TRABD2A: variants seen among roughly 807,000 people sequenced by gnomAD.
TRABD2A encodes TraB domain containing 2A, also known as metalloprotease TIKI1.
In TRABD2A, 43 loss-of-function variants were observed where a neutral mutation model predicts 45.6. That is an observed-to-expected ratio of 0.94 (90% CI 0.74 to 1.22). The LOEUF is 1.22. Ranked by LOEUF, TRABD2A falls within the 50% of genes most tolerant of loss-of-function variation. TRABD2A has a pLI of 0.00. For missense variants in TRABD2A, 642 were observed against 652.4 expected (o/e 0.98, Z 0.17); for synonymous variants, 269 against 265.0 (o/e 1.02, Z -0.15).
At chr2:84,836,491 T>G (rs568166085) in intron 4 of TRABD2A, 1 of 152,350 alleles carries the variant, frequency 6.6e-6, no homozygotes, top group East Asian at 1.9e-4. Context: ...TTTTGACAGT[T>G]TGGCTATGAC....
At position 84,839,266 on chromosome 2, in the gene TRABD2A, TCTC is replaced by T. The variant is rs1559087412; in HGVS notation, c.871_873del (p.Glu291del). The T allele has an allele frequency of 6.2e-7, 1 of 1,613,750 alleles. No individual in the cohort carries two copies. Among genetic ancestry groups the T allele is most frequent in the East Asian group, 2.2e-5 (1 of 44,870 alleles). On this transcript the variant is annotated inframe_deletion, in exon 4 of 7. Coordinates refer to ENST00000409520, the MANE Select transcript of TRABD2A (RefSeq NM_001277053.2). Reference sequence around the variant, plus strand: ...AGCTCCCGGCGTAAGTAGCTGTCAATCTCCTGAGCAGTGATGCGCTCCTGAGGT... The same window carrying T: ...AGCTCCCGGCGTAAGTAGCTGTCAATCTGAGCAGTGATGCGCTCCTGAGGT...
Position 84,881,041 on chromosome 2 carries a change from C to T in TRABD2A, c.-2G>A, listed in dbSNP as rs899558760. 4.4e-6 allele frequency: 7 copies of T among 1,597,362 alleles called. No homozygotes were observed. Among genetic ancestry groups the T allele is most frequent in the Non-Finnish European group, 5.1e-6 (6 of 1,173,082 alleles). ...CAGGAACCAGCTCCAGGGACTCATC[C>T]TCCTCAAGGCGGCTCCGAGGCCCGG... On this transcript the variant is annotated 5_prime_UTR_variant, in exon 1 of 7. Coordinates refer to ENST00000409520, the MANE Select transcript of TRABD2A (RefSeq NM_001277053.2).
At chr2:84,844,061 C>CCTCTTCTGT (rs1681802643) in intron 2 of TRABD2A, 1 of 152,232 alleles carries the variant, frequency 6.6e-6, no homozygotes, top group Admixed American at 6.5e-5. Context: ...TGCACAATAG[C>CCTCTTCTGT]CTCTTCTGTC....
intron 5 of TRABD2A, among the ~76,000 whole-genome samples, chr2:84,831,232 G>A (rs904723506): frequency 2.6e-5 from 4 of 152,114 alleles, no homozygotes; most frequent in Non-Finnish European, 4.4e-5. Context: ...AAGAGAAGGC[G>A]GCCATCTACA....
At chr2:84,855,786 G>T (rs1478445854) in intron 2 of TRABD2A, among the ~76,000 whole-genome samples, 4 of 152,164 alleles carry the variant, frequency 2.6e-5, no homozygotes, top group African/African-American at 9.7e-5. Context: ...TTCAGCTGTG[G>T]GGAGACCCAA....
In TRABD2A at chr2:84,824,170, G is replaced by C; in HGVS notation, c.1117C>G (p.Leu373Val). Residue 373 changes from leucine to valine, a missense_variant, in exon 6 of 7, where the codon CTG becomes GTG. By Grantham distance (32) the Leu-to-Val change is conservative (BLOSUM62 1). Coordinates refer to ENST00000409520, the MANE Select transcript of TRABD2A (RefSeq NM_001277053.2). Reference protein sequence around the residue: ...KSKKTSTRPTLSTIFAPKVPT... With the variant: ...KSKKTSTRPTVSTIFAPKVPT... Reference sequence around the variant, plus strand: ...ACTTTTGGAGCAAAGATGGTGGACAGAGTGGGCCGTGTGGAGGTCTTTTTA... The same window carrying C: ...ACTTTTGGAGCAAAGATGGTGGACACAGTGGGCCGTGTGGAGGTCTTTTTA... 6.2e-7 allele frequency: 1 copy of C among 1,614,022 alleles called. No individual in the cohort carries two copies. The highest frequency in any genetic ancestry group is 1.6e-4 in the Middle Eastern group (1 of 6,062).
chr2:84,836,986 GTTTTTTTTTTT>G (rs57910749), intron 4 of TRABD2A: 1 of 85,994 alleles, frequency 1.2e-5, no homozygotes, highest in Non-Finnish European at 2.1e-5. Context: ...TAATTTTAGG[GTTTTTTTTTTT>G]TTTTTTTTTT....
intron 1 of TRABD2A, 136 bp downstream of exon 1, chr2:84,880,796 C>T: frequency 2.3e-6 from 3 of 1,312,558 alleles, no homozygotes; most frequent in Admixed American, 2.4e-5. Flanking sequence ...GAGCAAGGAG[C>T]GCCGCGGTGC....
intron 2 of TRABD2A, among the ~76,000 whole-genome samples, chr2:84,864,068 A>C (rs1484735763): frequency 6.6e-6 from 1 of 151,990 alleles, no homozygotes; most frequent in Non-Finnish European, 1.5e-5. Flanking sequence ...GGAAGCCAGA[A>C]TCCCTCAGCC....
chr2:84,832,822 G>GT (rs1249167110), intron 4 of TRABD2A: 4 of 151,876 alleles, frequency 2.6e-5, no homozygotes, highest in African/African-American at 9.7e-5. Flanking sequence ...AAGGAGGGGG[G>GT]GGAATTCCCA....
chr2:84,824,310 G>A, intron 5 of TRABD2A, 106 bp from the exon 6 acceptor site: 1 of 1,472,108 alleles, frequency 6.8e-7, no homozygotes, highest in Admixed American at 2.7e-5. Context: ...CAGATAACCT[G>A]AAAGTTCAAG....
At chr2:84,845,666 G>A (rs1681872449) in intron 2 of TRABD2A, among the ~76,000 whole-genome samples, 1 of 152,164 alleles carries the variant, frequency 6.6e-6, no homozygotes, top group African/African-American at 2.4e-5. Flanking sequence ...AAGAATGGAA[G>A]GGCATAAGGG....
chr2:84,827,838 C>G (rs1040330678), intron 5 of TRABD2A, among the ~76,000 whole-genome samples: 1 of 152,104 alleles, frequency 6.6e-6, no homozygotes, highest in African/African-American at 2.4e-5. Flanking sequence ...ATGGAAGGCT[C>G]CACAAGTCAA....
intron 5 of TRABD2A, among the ~76,000 whole-genome samples, chr2:84,829,582 C>T (rs1459071694): frequency 6.9e-6 from 1 of 144,492 alleles, no homozygotes; most frequent in Non-Finnish European, 1.5e-5. Context: ...ACGTACCACA[C>T]TGTACACACA....
At chr2:84,846,238 G>A (rs956528794) in intron 2 of TRABD2A, among the ~76,000 whole-genome samples, 1 of 152,280 alleles carries the variant, frequency 6.6e-6, no homozygotes, top group African/African-American at 2.4e-5. Flanking sequence ...AAAAACCACA[G>A]AAATGTACTT....
At chr2:84,846,252 A>T (rs965690200) in intron 2 of TRABD2A, among the ~76,000 whole-genome samples, 2 of 152,200 alleles carry the variant, frequency 1.3e-5, no homozygotes, top group African/African-American at 4.8e-5. Context: ...TGTACTTTTT[A>T]AATCTCTAGC....
chr2:84,839,258 G>C lies in TRABD2A; in HGVS notation c.882C>G (p.Ser294Arg). The C allele has an allele frequency of 6.2e-7, 1 of 1,613,882 alleles. No homozygotes were observed. The highest frequency in any genetic ancestry group is 1.3e-5 in the African/African-American group (1 of 74,992). Residue 294 changes from serine (S) to arginine (R), a missense_variant, in exon 4 of 7, where the codon AGC becomes AGG. Transcript: ENST00000409520. ...QERITAQEID[S>R]YLRRELIYKR... is the part of the protein sequence containing the mutation. The stretch of plus-strand genomic sequence containing the variant: ...TGTAGATCAGCTCCCGGCGTAAGTA[G>C]CTGTCAATCTCCTGAGCAGTGATGC...
intron 4 of TRABD2A, chr2:84,832,477 GA>G: frequency 3.5e-6 from 1 of 283,200 alleles, no homozygotes; most frequent in Non-Finnish European, 6.9e-6. Flanking sequence ...GCAGGATCCT[GA>G]AAGGTGAGGA....
At chr2:84,828,353 G>A (rs1435490599) in intron 5 of TRABD2A, among the ~76,000 whole-genome samples, 5 of 152,162 alleles carry the variant, frequency 3.3e-5, no homozygotes, top group Non-Finnish European at 5.9e-5. Context: ...CATGTCCCCA[G>A]CCACACCAGC....
Sources: allele counts gnomAD v4.1 joint callset (sites outside exome capture counted in the v4.1 genomes callset), GRCh38; gene constraint gnomAD v4.1.1; transcripts MANE v1.5; gene names NCBI Gene and HGNC (gene_info 2026-07-23, HGNC 2026-07-21).